ITGAV: variants seen among roughly 807,000 people sequenced by gnomAD.
The protein encoded by ITGAV is integrin alpha-V.
Under a neutral mutation model 143.8 loss-of-function variants are expected in ITGAV, and 76 were observed. The observed-to-expected ratio is 0.53, with a 90% CI of 0.44 to 0.64. ITGAV has a LOEUF of 0.64. Ranked by LOEUF, ITGAV falls within the 30% of genes least tolerant of loss-of-function variation. The pLI, the probability that ITGAV is intolerant of heterozygous loss-of-function variation, is 0.00. For missense variants in ITGAV, 1,193 were observed against 1,274.7 expected (o/e 0.94, Z 0.98); for synonymous variants, 453 against 446.7 (o/e 1.01, Z -0.18).
In ITGAV at chr2:186,663,921, G is replaced by A. The variant is rs542673781; in HGVS notation, c.1925+86G>A. 1,696 of 874,732 alleles carry A rather than the reference G, an allele frequency of 1.9e-3. 6 individuals are homozygous for A. The highest frequency in any genetic ancestry group is 2.6e-3 in the Non-Finnish European group (1,393 of 530,982). The allele number at this position is 874,732 out of a possible 1,614,324, so 54.2% of individuals were successfully genotyped here. ...ATTCAAAGGACTAACATATTTTAAC[G>A]AGAATTAGTTATCCTGGAGGGTAAT... On this transcript the variant is annotated intron_variant, in intron 19 of 29. Transcript: ENST00000261023.
At chr2:186,621,676 T>G (rs986371859) in intron 2 of ITGAV, among the ~76,000 whole-genome samples, 5 of 152,210 alleles carry the variant, frequency 3.3e-5, no homozygotes, top group Admixed American at 3.3e-4. Context: ...CTATCCCAGG[T>G]GTCCTGTAGG....
intron 6 of ITGAV, 122 bp from the exon 7 acceptor site, chr2:186,635,960 C>A (rs761916404): frequency 2.8e-6 from 2 of 715,920 alleles, no homozygotes; most frequent in Admixed American, 3.1e-5. Flanking sequence ...GAGTTATGTA[C>A]GGCTAATAAT....
chr2:186,601,334 G>A (rs1370972649), intron 1 of ITGAV, among the ~76,000 whole-genome samples: 1 of 151,780 alleles, frequency 6.6e-6, no homozygotes, highest in Non-Finnish European at 1.5e-5. Context: ...GGTGGCATAT[G>A]CCTGTAGTTC....
At chr2:186,660,665 G>A (rs1286084494) in intron 18 of ITGAV, 1 of 151,966 alleles carries the variant, frequency 6.6e-6, no homozygotes, top group African/African-American at 2.4e-5. Context: ...TTTTTAAAAG[G>A]TAGAAAAGGT....
Position 186,641,381 on chromosome 2 carries a change from T to C in ITGAV, c.957-5T>C. On this transcript the variant is annotated splice_polypyrimidine_tract_variant and splice_region_variant and intron_variant, in intron 11 of 29. Coordinates refer to ENST00000261023, the MANE Select transcript of ITGAV (RefSeq NM_002210.5). Reference sequence around the variant, plus strand: ...TGCTTTGGTGAGAAGTTTCTGTTCTTCTAGTTATGCAGATGTGTTTATTGG... The same window carrying C: ...TGCTTTGGTGAGAAGTTTCTGTTCTCCTAGTTATGCAGATGTGTTTATTGG... The C allele has an allele frequency of 6.2e-7, 1 of 1,612,280 alleles. No homozygotes were observed. Among genetic ancestry groups the C allele is most frequent in the South Asian group, 1.1e-5 (1 of 90,922 alleles).
intron 3 of ITGAV, among the ~76,000 whole-genome samples, chr2:186,623,949 A>G (rs1211294574): frequency 6.6e-6 from 1 of 152,166 alleles, no homozygotes; most frequent in African/African-American, 2.4e-5. Flanking sequence ...GAAGGACCAG[A>G]GTGAACCAGA....
chr2:186,663,238 T>C (rs1467891128), intron 18 of ITGAV, among the ~76,000 whole-genome samples: 1 of 152,218 alleles, frequency 6.6e-6, no homozygotes, highest in African/African-American at 2.4e-5. Context: ...GGACTCATTT[T>C]ATCCAGTTTC....
chr2:186,634,189 C>T (rs908240380), intron 6 of ITGAV, among the ~76,000 whole-genome samples: 1 of 152,096 alleles, frequency 6.6e-6, no homozygotes, highest in Non-Finnish European at 1.5e-5. Flanking sequence ...TTATTGTTGA[C>T]AGTGTGAATA....
Position 186,622,558 on chromosome 2 carries a change from A to G in ITGAV, c.408+128A>G, listed in dbSNP as rs940830983. ...AGGGCACAGGGTATAACAACATAAG[A>G]TAGCTCTGATCAAAGGCCACTCTGT... On this transcript the variant is annotated intron_variant, in intron 3 of 29. Coordinates refer to ENST00000261023, the MANE Select transcript of ITGAV (RefSeq NM_002210.5). 7.8e-6 allele frequency: 5 copies of G among 639,626 alleles called. No homozygotes were observed. In the African/African-American group the frequency reaches 9.2e-5, roughly 12 times the overall value. The allele number at this position is 639,626 out of a possible 1,614,324, so 39.6% of individuals were successfully genotyped here.
intron 2 of ITGAV, among the ~76,000 whole-genome samples, chr2:186,609,443 T>A (rs995097458): frequency 4.6e-5 from 7 of 152,184 alleles, no homozygotes; most frequent in Non-Finnish European, 8.8e-5. Context: ...ACACTTTAGA[T>A]GTGCTTTCCT....
At chr2:186,663,927 T>C in intron 19 of ITGAV, 92 bp downstream of exon 19, 1 of 845,204 alleles carries the variant, frequency 1.2e-6, no homozygotes, top group Non-Finnish European at 2.0e-6. Context: ...TAACGAGAAT[T>C]AGTTATCCTG....
At chr2:186,675,752 C>T (rs1689189994) in intron 27 of ITGAV, 35 bp downstream of exon 27, 1 of 1,550,162 alleles carries the variant, frequency 6.5e-7, no homozygotes, top group African/African-American at 1.4e-5. Flanking sequence ...GCAAACATAC[C>T]CAGTGTTTTC....
chr2:186,605,994 C>T (rs1272366160), intron 2 of ITGAV, among the ~76,000 whole-genome samples: 3 of 151,718 alleles, frequency 2.0e-5, no homozygotes, highest in Non-Finnish European at 2.9e-5. Context: ...CATTTTTTTA[C>T]ATTAGTATTT....
chr2:186,594,415 G>A (rs940459302), intron 1 of ITGAV, among the ~76,000 whole-genome samples: 3 of 152,116 alleles, frequency 2.0e-5, no homozygotes, highest in Admixed American at 1.3e-4. Context: ...ACAGGCAGAA[G>A]CTCCTAGAAA....
rs571865262 is a variant in ITGAV at position 186,616,261 on chromosome 2, A to G, written c.317-6078A>G. Among the ~76,000 whole-genome samples the G allele has an allele frequency of 1.3e-4, 19 of 150,764 alleles. No homozygotes were observed. In the South Asian group the frequency reaches 3.8e-3, roughly 30 times the overall value. The stretch of plus-strand genomic sequence containing the variant: ...TCTGAATATTTGCAGCTCTGAGTCA[A>G]TGATATACCTTATTTTTTTTTTTTT... On this transcript the variant is annotated intron_variant, in intron 2 of 29. Coordinates refer to ENST00000261023, the MANE Select transcript of ITGAV (RefSeq NM_002210.5).
intron 1 of ITGAV, among the ~76,000 whole-genome samples, chr2:186,595,494 C>G: frequency 6.6e-6 from 1 of 151,816 alleles, no homozygotes; most frequent in East Asian, 1.9e-4. Context: ...CTCTGTATCG[C>G]TCTCTCTTTT....
intron 4 of ITGAV, among the ~76,000 whole-genome samples, chr2:186,627,407 C>A (rs1687703743): frequency 6.6e-6 from 1 of 152,166 alleles, no homozygotes; most frequent in African/African-American, 2.4e-5. Context: ...TTAAGCACAG[C>A]TTTTCTACAA....
Position 186,642,150 on chromosome 2 carries a change from C to A in ITGAV, c.1159+562C>A, listed in dbSNP as rs75021358. On this transcript the variant is annotated intron_variant, in intron 12 of 29. Coordinates refer to ENST00000261023, the MANE Select transcript of ITGAV (RefSeq NM_002210.5). ...ATAATAGTACCATTTTAATAGTTGT[C>A]GATATCTTTAAAAAGCAAAGTTAGC... Among the ~76,000 whole-genome samples, 563 of 152,148 alleles carry A rather than the reference C, an allele frequency of 3.7e-3. 3 individuals carry two copies. The highest frequency in any genetic ancestry group is 6.9e-3 in the Non-Finnish European group (472 of 68,000).
Position 186,667,130 on chromosome 2 carries a change from T to G in ITGAV, c.2247-20T>G, listed in dbSNP as rs1288487970. The G allele has an allele frequency of 1.5e-6, 2 of 1,297,632 alleles. No individual in the cohort carries two copies. Among genetic ancestry groups the G allele is most frequent in the Admixed American group, 2.1e-5 (1 of 47,614 alleles). 80.4% of individuals were successfully genotyped at this position (1,297,632 alleles called of 1,614,324 possible). A position where few individuals can be genotyped will look rare whatever the true frequency, so the allele number is the denominator to read the frequency against. ...TTGTTATGCATAATTCATTTTTAAG[T>G]TTTTTTTTTTCTTTTTCAGCTCAAA... On this transcript the variant is annotated intron_variant, in intron 22 of 29. Coordinates refer to ENST00000261023, the MANE Select transcript of ITGAV (RefSeq NM_002210.5).
Sources: allele counts gnomAD v4.1 joint callset (sites outside exome capture counted in the v4.1 genomes callset), GRCh38; gene constraint gnomAD v4.1.1; transcripts MANE v1.5; gene names NCBI Gene and HGNC (gene_info 2026-07-23, HGNC 2026-07-21).